Variants in EEF1AKMT1 observed in about 807,000 individuals in gnomAD.
EEF1AKMT1 encodes EEF1A lysine methyltransferase 1.
Under a neutral mutation model 21.0 loss-of-function variants are expected in EEF1AKMT1, and 18 were observed. The ratio of observed to expected loss-of-function variants is 0.86; its 90% CI spans 0.59 to 1.27. EEF1AKMT1 has a LOEUF of 1.27. Among genes scored for constraint, EEF1AKMT1 ranks in the 50% most tolerant of loss-of-function variants. The probability of loss-of-function intolerance (pLI) is 0.00; values close to 1 mark genes in which losing one functional copy is unlikely to be tolerated. For missense variants in EEF1AKMT1, 246 were observed against 258.6 expected, an observed-to-expected ratio of 0.95 and a Z score of 0.33; for synonymous variants, 109 against 94.8, an observed-to-expected ratio of 1.15 and a Z score of -0.87.
At chr13:20,737,101 C>T (rs1465122026) in intron 3 of EEF1AKMT1, among the ~76,000 whole-genome samples, 1 of 152,016 alleles carries the variant, frequency 6.6e-6, no homozygotes, top group Non-Finnish European at 1.5e-5. Context: ...CACGGTGGCT[C>T]ATGCCTGTAA....
intron 1 of EEF1AKMT1, among the ~76,000 whole-genome samples, chr13:20,765,201 C>T (rs549985492): frequency 1.3e-3 from 192 of 152,086 alleles, no homozygotes; most frequent in Non-Finnish European, 2.2e-3. Flanking sequence ...GCAGAGGTTA[C>T]AGTGAGCGAG....
At chr13:20,765,803 CA>C (rs747496701) in intron 1 of EEF1AKMT1, among the ~76,000 whole-genome samples, 1 of 150,818 alleles carries the variant, frequency 6.6e-6, no homozygotes, top group South Asian at 2.1e-4. Flanking sequence ...TACCAAAAGA[CA>C]AAATAGGAAA....
intron 4 of EEF1AKMT1, among the ~76,000 whole-genome samples, chr13:20,731,577 GT>G (rs1248863520): frequency 6.6e-6 from 1 of 152,222 alleles, no homozygotes; most frequent in Non-Finnish European, 1.5e-5. Flanking sequence ...ATGATGGTAT[GT>G]AAAAGTAACA....
intron 3 of EEF1AKMT1, among the ~76,000 whole-genome samples, 184 bp downstream of exon 3, chr13:20,737,539 G>C (rs2058833129): frequency 6.6e-6 from 1 of 152,174 alleles, no homozygotes; most frequent in Non-Finnish European, 1.5e-5. Flanking sequence ...ATTCCACAAT[G>C]AATAGGTTTC....
chr13:20,739,295 T>C (rs1344032936), intron 2 of EEF1AKMT1, among the ~76,000 whole-genome samples: 1 of 152,158 alleles, frequency 6.6e-6, no homozygotes, highest in African/African-American at 2.4e-5. Flanking sequence ...GTAACATTTA[T>C]TGTGAGGAGC....
intron 4 of EEF1AKMT1, among the ~76,000 whole-genome samples, chr13:20,730,736 C>T (rs2058787943): frequency 6.6e-6 from 1 of 152,020 alleles, no homozygotes. Context: ...TCAGCACTCT[C>T]TGAAAAATGG....
At chr13:20,770,724 C>T (rs997763450) in intron 1 of EEF1AKMT1, among the ~76,000 whole-genome samples, 5 of 151,952 alleles carry the variant, frequency 3.3e-5, no homozygotes, top group Non-Finnish European at 7.4e-5. Context: ...CTGGCAAAAT[C>T]GAAGAGTACA....
At chr13:20,737,439 CA>C (rs1387190195) in intron 3 of EEF1AKMT1, among the ~76,000 whole-genome samples, 3 of 152,082 alleles carry the variant, frequency 2.0e-5, no homozygotes, top group Non-Finnish European at 4.4e-5. Flanking sequence ...CTTAAAACTT[CA>C]AAAAGGTAAG....
chr13:20,730,541 G>C (rs1049915240), intron 4 of EEF1AKMT1, among the ~76,000 whole-genome samples: 4 of 152,172 alleles, frequency 2.6e-5, no homozygotes, highest in African/African-American at 9.7e-5. Flanking sequence ...CTTGCTCCCT[G>C]CCCAGGCTGA....
In EEF1AKMT1 at chr13:20,761,715, G is replaced by T. The variant is rs112577939; in HGVS notation, c.-19-4098C>A. Among the ~76,000 whole-genome samples, 474 of 152,346 alleles carry T rather than the reference G, an allele frequency of 3.1e-3. 5 individuals are homozygous for T. The highest frequency in any genetic ancestry group is 0.011 in the African/African-American group (458 of 41,576). ...TGTACTATGAGGTTTACTGTGGCCA[G>T]AGAAGTCAGGATTCTCTTTGCAGTC... On this transcript the variant is annotated intron_variant, in intron 1 of 4. Transcript: ENST00000382758.
chr13:20,761,445 C>T (rs1419955841), intron 1 of EEF1AKMT1, among the ~76,000 whole-genome samples: 1 of 152,180 alleles, frequency 6.6e-6, no homozygotes, highest in African/African-American at 2.4e-5. Flanking sequence ...CATAGTATGG[C>T]CACACTTAAC....
intron 2 of EEF1AKMT1, among the ~76,000 whole-genome samples, chr13:20,749,006 A>C (rs1209670671): frequency 2.0e-5 from 3 of 152,184 alleles, no homozygotes; most frequent in African/African-American, 7.2e-5. Flanking sequence ...GTAGAATTAC[A>C]GGCGTGAGCC....
At chr13:20,748,372 T>C (rs556439452) in intron 2 of EEF1AKMT1, among the ~76,000 whole-genome samples, 76 of 151,838 alleles carry the variant, frequency 5.0e-4, no homozygotes, top group African/African-American at 1.8e-3. Context: ...GAGGCGGAGC[T>C]TGCAGTGAGG....
At chr13:20,744,638 G>A (rs1194034168) in intron 2 of EEF1AKMT1, among the ~76,000 whole-genome samples, 2 of 152,134 alleles carry the variant, frequency 1.3e-5, no homozygotes, top group Admixed American at 6.5e-5. Flanking sequence ...GTAGGCTGCT[G>A]TTCACTCTGA....
chr13:20,740,534 G>C (rs1377054730), intron 2 of EEF1AKMT1, among the ~76,000 whole-genome samples: 1 of 152,240 alleles, frequency 6.6e-6, no homozygotes, highest in Non-Finnish European at 1.5e-5. Context: ...GCCGGGTGTG[G>C]TGGCTCACGC....
At chr13:20,733,440 G>T (rs1408742203) in intron 3 of EEF1AKMT1, among the ~76,000 whole-genome samples, 1 of 152,050 alleles carries the variant, frequency 6.6e-6, no homozygotes. Flanking sequence ...TACCCAGGCT[G>T]GTCTCAAACT....
At chr13:20,755,855 T>C (rs1048842357) in intron 2 of EEF1AKMT1, among the ~76,000 whole-genome samples, 3 of 151,944 alleles carry the variant, frequency 2.0e-5, no homozygotes, top group Non-Finnish European at 1.5e-5. Flanking sequence ...GTTTTCATAA[T>C]TAGAAAAAAA....
At chr13:20,738,771 C>T (rs894091062) in intron 2 of EEF1AKMT1, among the ~76,000 whole-genome samples, 7 of 152,178 alleles carry the variant, frequency 4.6e-5, no homozygotes, top group Admixed American at 1.3e-4. Flanking sequence ...TGAAATGTCC[C>T]GAGTAGCAAG....
chr13:20,772,011 C>CA (rs56004404), intron 1 of EEF1AKMT1, among the ~76,000 whole-genome samples: 123,303 of 148,148 alleles, frequency 0.83, 51,312 homozygotes, highest in East Asian at 0.99. Context: ...GACTACATTT[C>CA]AAAAAAAAAA....
Sources: allele counts gnomAD v4.1 joint callset (sites outside exome capture counted in the v4.1 genomes callset), GRCh38; gene constraint gnomAD v4.1.1; transcripts MANE v1.5; gene names NCBI Gene and HGNC (gene_info 2026-07-23, HGNC 2026-07-21).